The following NALF1 variants were observed in gnomAD, a reference collection of about 807,000 sequenced individuals.
NALF1 encodes family with sequence similarity 155 member A.
In NALF1, 3 loss-of-function variants were observed where a neutral mutation model predicts 48.4. That is an observed-to-expected ratio of 0.06 (90% CI 0.03 to 0.16). The LOEUF (loss-of-function observed/expected upper bound fraction) is 0.16, where lower values mean the gene tolerates loss of function less well. NALF1 is among the 10% of genes least tolerant of loss of function. NALF1 has a pLI of 1.00. For synonymous variants in NALF1, 262 were observed against 245.7 expected (o/e 1.07, Z -0.62); for missense variants, 526 against 571.5 (o/e 0.92, Z 0.81).
At chr13:107,322,371 T>C (rs1256016203) in intron 1 of NALF1, among the ~76,000 whole-genome samples, 2 of 152,190 alleles carry the variant, frequency 1.3e-5, no homozygotes, top group African/African-American at 2.4e-5. Context: ...AAATAATCCA[T>C]GGCATCAGAC....
intron 1 of NALF1, among the ~76,000 whole-genome samples, chr13:107,783,156 T>C (rs1594263599): frequency 9.9e-6 from 1 of 101,444 alleles, no homozygotes; most frequent in Non-Finnish European, 2.0e-5. Flanking sequence ...GAGGAGCCCC[T>C]CTGCCCGGCC....
At chr13:107,593,551 C>G (rs903326306) in intron 1 of NALF1, among the ~76,000 whole-genome samples, 7 of 151,882 alleles carry the variant, frequency 4.6e-5, no homozygotes, top group African/African-American at 1.7e-4. Flanking sequence ...GATAAACACA[C>G]AGGACTTTAA....
At position 107,299,133 on chromosome 13, in the gene NALF1, T is replaced by C. The variant is rs1032469703; in HGVS notation, c.916-88378A>G. ...CTCTCATCTGGGTTTTGACTGATATTTTTTCATGCTTTAACTGACATTTGG... is the reference window on the plus strand; with the variant it reads ...CTCTCATCTGGGTTTTGACTGATATCTTTTCATGCTTTAACTGACATTTGG... On this transcript the variant is annotated intron_variant, in intron 1 of 2. Coordinates refer to ENST00000375915, the MANE Select transcript of NALF1 (RefSeq NM_001080396.3). Among the ~76,000 whole-genome samples the C allele has an allele frequency of 3.3e-5, 5 of 152,186 alleles. No homozygotes were observed. In the East Asian group the frequency reaches 9.6e-4, roughly 29 times the overall value.
At chr13:107,813,175 G>GTAAAAATTTCATAAAAATTTCATAAAA (rs1879051810) in intron 1 of NALF1, among the ~76,000 whole-genome samples, 1 of 152,132 alleles carries the variant, frequency 6.6e-6, no homozygotes, top group South Asian at 2.1e-4. Context: ...CATAAATTGT[G>GTAAAAATTTCATAAAAATTTCATAAAA]AGTTACTGAG....
At chr13:107,270,023 C>G (rs996208709) in intron 1 of NALF1, among the ~76,000 whole-genome samples, 31 of 149,854 alleles carry the variant, frequency 2.1e-4, no homozygotes, top group Admixed American at 1.7e-3. Flanking sequence ...GCCCGCCTCG[C>G]CCTCCCAAAG....
chr13:107,498,969 C>A (rs1431415467), intron 1 of NALF1, among the ~76,000 whole-genome samples: 1 of 152,080 alleles, frequency 6.6e-6, no homozygotes, highest in African/African-American at 2.4e-5. Context: ...ATTAGGGCTT[C>A]ATCAAATGTG....
chr13:107,731,592 C>G (rs1440848408), intron 1 of NALF1, among the ~76,000 whole-genome samples: 1 of 152,046 alleles, frequency 6.6e-6, no homozygotes. Context: ...TGTGTTAGTC[C>G]CCTCTATGTG....
intron 1 of NALF1, among the ~76,000 whole-genome samples, chr13:107,325,957 TACACACATATATACA>T (rs1432236859): frequency 6.8e-6 from 1 of 146,146 alleles, no homozygotes; most frequent in African/African-American, 2.5e-5. Context: ...TACATATATA[TACACACATATATACA>T]ACACACATAT....
chr13:107,661,182 G>A (rs1475175840), intron 1 of NALF1, among the ~76,000 whole-genome samples: 1 of 152,250 alleles, frequency 6.6e-6, no homozygotes, highest in African/African-American at 2.4e-5. Flanking sequence ...AATTTCTTGA[G>A]CAACTTTGTG....
At chr13:107,726,177 TTA>T (rs1335493247) in intron 1 of NALF1, among the ~76,000 whole-genome samples, 2 of 152,196 alleles carry the variant, frequency 1.3e-5, no homozygotes, top group Non-Finnish European at 1.5e-5. Flanking sequence ...TTTCATTCTA[TTA>T]GTTTTTCTTC....
intron 1 of NALF1, among the ~76,000 whole-genome samples, chr13:107,657,981 A>C (rs1170691686): frequency 6.6e-6 from 1 of 152,014 alleles, no homozygotes; most frequent in Non-Finnish European, 1.5e-5. Context: ...TTTTGAACCA[A>C]AATTTTCCTG....
At chr13:107,320,799 C>T (rs1288154114) in intron 1 of NALF1, 1 of 152,098 alleles carries the variant, frequency 6.6e-6, no homozygotes. Context: ...ATCTCCAATG[C>T]TCCTTTTGGC....
chr13:107,181,753 T>C (rs891919049), intron 2 of NALF1, among the ~76,000 whole-genome samples: 9 of 152,082 alleles, frequency 5.9e-5, no homozygotes, highest in African/African-American at 2.2e-4. Context: ...AAATATTTTG[T>C]TATTATGTCT....
At chr13:107,182,664 A>C (rs1400470108) in intron 2 of NALF1, among the ~76,000 whole-genome samples, 23 of 152,334 alleles carry the variant, frequency 1.5e-4, no homozygotes, top group Non-Finnish European at 2.9e-5. Flanking sequence ...AAAATCGCAC[A>C]CACTTGAACT....
intron 1 of NALF1, among the ~76,000 whole-genome samples, chr13:107,554,368 G>A (rs774997350): frequency 6.6e-6 from 1 of 152,234 alleles, no homozygotes; most frequent in Non-Finnish European, 1.5e-5. Context: ...TTTAGTGAGA[G>A]AGTTTGTGAG....
intron 1 of NALF1, among the ~76,000 whole-genome samples, chr13:107,295,755 A>C (rs1363779441): frequency 6.6e-6 from 1 of 152,354 alleles, no homozygotes; most frequent in Non-Finnish European, 1.5e-5. Flanking sequence ...AAGTAATGAT[A>C]TTTTAAAGTC....
At chr13:107,725,939 CT>C (rs745421628) in intron 1 of NALF1, among the ~76,000 whole-genome samples, 47 of 151,998 alleles carry the variant, frequency 3.1e-4, no homozygotes, top group Non-Finnish European at 5.6e-4. Context: ...ATCATAAAGA[CT>C]TTGGTGTTGA....
chr13:107,606,471 T>A (rs1879073767), intron 1 of NALF1, among the ~76,000 whole-genome samples: 1 of 152,092 alleles, frequency 6.6e-6, no homozygotes, highest in Non-Finnish European at 1.5e-5. Context: ...GTTCAAGCGA[T>A]TCTCCTGCCT....
intron 1 of NALF1, among the ~76,000 whole-genome samples, chr13:107,706,695 T>C (rs1362023916): frequency 6.6e-5 from 10 of 152,196 alleles, no homozygotes; most frequent in Non-Finnish European, 1.5e-4. Context: ...TCACATAAAG[T>C]AGGCTGTACT....
Sources: allele counts gnomAD v4.1 joint callset (sites outside exome capture counted in the v4.1 genomes callset), GRCh38; gene constraint gnomAD v4.1.1; transcripts MANE v1.5; gene names NCBI Gene and HGNC (gene_info 2026-07-23, HGNC 2026-07-21).